The following TNR variants were observed in gnomAD, a reference collection of about 807,000 sequenced individuals.
TNR encodes the protein tenascin-R.
A neutral mutation model predicts 150.4 loss-of-function variants in TNR; 45 were observed. That is an observed-to-expected ratio of 0.30 (90% CI 0.24 to 0.38). The LOEUF (loss-of-function observed/expected upper bound fraction) is 0.38, where lower values mean the gene tolerates loss of function less well. TNR is among the 10% of genes least tolerant of loss of function. The pLI is 1.00. For missense variants in TNR, 1,544 were observed against 1,759.1 expected (o/e 0.88, Z 2.19); for synonymous variants, 687 against 678.4 (o/e 1.01, Z -0.20).
At chr1:175,590,052 C>G (rs576499209) in intron 1 of TNR, among the ~76,000 whole-genome samples, 1 of 152,098 alleles carries the variant, frequency 6.6e-6, no homozygotes, top group Admixed American at 6.6e-5. Flanking sequence ...GCCTCAGACC[C>G]TAGTATGATT....
intron 8 of TNR, among the ~76,000 whole-genome samples, chr1:175,381,186 G>A (rs1196212998): frequency 2.6e-5 from 4 of 152,200 alleles, no homozygotes; most frequent in African/African-American, 9.7e-5. Context: ...GCATGTGGAG[G>A]AACACCTGCC....
At chr1:175,639,769 C>T (rs72725479) in intron 1 of TNR, among the ~76,000 whole-genome samples, 5,991 of 152,300 alleles carry the variant, frequency 0.039, 130 homozygotes, top group South Asian at 0.044. Flanking sequence ...AGCTTCATTC[C>T]AGCCTGAGAA....
intron 1 of TNR, among the ~76,000 whole-genome samples, chr1:175,621,301 C>G (rs148854001): frequency 7.2e-5 from 11 of 152,294 alleles, no homozygotes; most frequent in African/African-American, 2.4e-4. Flanking sequence ...TCTTCTAATG[C>G]CTCCTTACTG....
intron 2 of TNR, among the ~76,000 whole-genome samples, chr1:175,464,073 T>C (rs939936781): frequency 6.6e-6 from 1 of 152,264 alleles, no homozygotes; most frequent in Non-Finnish European, 1.5e-5. Flanking sequence ...GATCCCTTGA[T>C]CCTCACATGA....
At chr1:175,452,442 G>A (rs553868021) in intron 2 of TNR, among the ~76,000 whole-genome samples, 20 of 152,352 alleles carry the variant, frequency 1.3e-4, no homozygotes, top group Middle Eastern at 6.8e-3. Context: ...CCAGGTGGAC[G>A]GGGGGACGGC....
intron 1 of TNR, among the ~76,000 whole-genome samples, chr1:175,674,509 C>T (rs531386621): frequency 2.6e-5 from 4 of 152,350 alleles, no homozygotes; most frequent in South Asian, 2.1e-4. Context: ...TGCACATGTG[C>T]ACATGAATGT....
intron 2 of TNR, among the ~76,000 whole-genome samples, chr1:175,412,592 T>C (rs1654258787): frequency 2.0e-5 from 3 of 151,948 alleles, no homozygotes; most frequent in South Asian, 2.1e-4. Flanking sequence ...CAGAAACCCA[T>C]GGCCTTTCAT....
At chr1:175,676,058 G>A (rs1665855302) in intron 1 of TNR, among the ~76,000 whole-genome samples, 1 of 152,140 alleles carries the variant, frequency 6.6e-6, no homozygotes, top group African/African-American at 2.4e-5. Flanking sequence ...ACTATTTTGA[G>A]TTTCTCTGTG....
At chr1:175,557,473 T>C (rs1268880872) in intron 1 of TNR, among the ~76,000 whole-genome samples, 2 of 152,146 alleles carry the variant, frequency 1.3e-5, no homozygotes, top group African/African-American at 4.8e-5. Flanking sequence ...TACCCTAACA[T>C]CCCTTTTGCA....
intron 2 of TNR, among the ~76,000 whole-genome samples, chr1:175,506,727 T>C (rs1369204874): frequency 6.6e-6 from 1 of 152,218 alleles, no homozygotes; most frequent in Non-Finnish European, 1.5e-5. Context: ...ACTCACAATC[T>C]GCAATCACTT....
chr1:175,477,863 G>T (rs868696945), intron 2 of TNR, among the ~76,000 whole-genome samples: 1 of 152,178 alleles, frequency 6.6e-6, no homozygotes, highest in South Asian at 2.1e-4. Context: ...ACTCCCTTCC[G>T]CAGTCCTTCA....
intron 2 of TNR, among the ~76,000 whole-genome samples, chr1:175,413,466 C>T (rs1047127569): frequency 1.3e-5 from 2 of 152,184 alleles, no homozygotes; most frequent in African/African-American, 4.8e-5. Flanking sequence ...TGTTCTGGGA[C>T]CCATTCTGTG....
chr1:175,563,069 G>A (rs1011626846), intron 1 of TNR, among the ~76,000 whole-genome samples: 1 of 152,180 alleles, frequency 6.6e-6, no homozygotes, highest in East Asian at 1.9e-4. Flanking sequence ...GTCCATGAAA[G>A]GGTCTCTTGG....
rs1655514663 is a variant in TNR at position 175,436,440 on chromosome 1, G to A, written c.-63-29663C>T. 1.3e-5 allele frequency among the ~76,000 whole-genome samples: 2 copies of A among 152,044 alleles called. 1 individual carries two copies. The highest frequency in any genetic ancestry group is 4.1e-4 in the South Asian group (2 of 4,822). On this transcript the variant is annotated intron_variant, in intron 2 of 22. Coordinates refer to ENST00000367674, the MANE Select transcript of TNR (RefSeq NM_003285.3). ...TCCAGTTAATCGAATCGGCTACTGA[G>A]GCTTGTGCATTTGTCATGTAGTTCT...
chr1:175,674,447 A>C (rs1325955563), intron 1 of TNR, among the ~76,000 whole-genome samples: 1 of 152,190 alleles, frequency 6.6e-6, no homozygotes, highest in Non-Finnish European at 1.5e-5. Flanking sequence ...CACCAGGCTT[A>C]AGCTGTCAAT....
chr1:175,708,990 C>CACT (rs915509689), intron 1 of TNR, among the ~76,000 whole-genome samples: 2 of 152,052 alleles, frequency 1.3e-5, no homozygotes, highest in African/African-American at 4.8e-5. Flanking sequence ...ACGTGGCGAG[C>CACT]ATGTTATATC....
intron 1 of TNR, among the ~76,000 whole-genome samples, chr1:175,595,098 C>T (rs7526475): frequency 0.01 from 1,561 of 150,072 alleles, 23 homozygotes; most frequent in African/African-American, 0.036. Context: ...ACCTGGGAGA[C>T]GGAGGTTGCA....
In TNR at chr1:175,508,838, G is replaced by A. The variant is rs116123217; in HGVS notation, c.-64+19431C>T. ...TGTTGTCTTAAGCCAGTTAGTGTGG[G>A]GTCATTTGTGACTCAACAATAGACA... On this transcript the variant is annotated intron_variant, in intron 2 of 22. Coordinates refer to ENST00000367674, the MANE Select transcript of TNR (RefSeq NM_003285.3). 5.2e-3 allele frequency among the ~76,000 whole-genome samples: 795 copies of A among 152,254 alleles called. 8 individuals are homozygous for A. The highest frequency in any genetic ancestry group is 0.018 in the African/African-American group (748 of 41,524).
chr1:175,738,951 T>C (rs1667848472), intron 1 of TNR, among the ~76,000 whole-genome samples: 1 of 152,236 alleles, frequency 6.6e-6, no homozygotes, highest in Admixed American at 6.5e-5. Flanking sequence ...TTCTGCCGAA[T>C]CATCTACTGG....
Sources: allele counts gnomAD v4.1 joint callset (sites outside exome capture counted in the v4.1 genomes callset), GRCh38; gene constraint gnomAD v4.1.1; transcripts MANE v1.5; gene names NCBI Gene and HGNC (gene_info 2026-07-23, HGNC 2026-07-21).